The following ADAMTS12 variants were observed in gnomAD, a reference collection of about 807,000 sequenced individuals.
The protein encoded by ADAMTS12 is ADAM metallopeptidase with thrombospondin type 1 motif 12.
Under a neutral mutation model 167.8 loss-of-function variants are expected in ADAMTS12, and 118 were observed. That is an observed-to-expected ratio of 0.70 (90% CI 0.61 to 0.82). The LOEUF is 0.82. ADAMTS12 is among the 40% of genes least tolerant of loss of function. The pLI is 0.00. For missense variants in ADAMTS12, 1,916 were observed against 1,998.8 expected (o/e 0.96, Z 0.79); for synonymous variants, 704 against 716.9 (o/e 0.98, Z 0.29).
At chr5:33,672,217 A>G (rs763486855) in intron 5 of ADAMTS12, among the ~76,000 whole-genome samples, 1 of 148,786 alleles carries the variant, frequency 6.7e-6, no homozygotes, top group Admixed American at 6.7e-5. Context: ...CCCCACATAC[A>G]TACACACAGA....
chr5:33,889,284 A>AT (rs983634644), intron 1 of ADAMTS12, among the ~76,000 whole-genome samples: 9 of 131,710 alleles, frequency 6.8e-5, no homozygotes, highest in East Asian at 2.5e-4. Context: ...CCTCATCTCT[A>AT]TTAAAAAAAA....
chr5:33,660,171 T>C (rs1156873972), intron 6 of ADAMTS12, among the ~76,000 whole-genome samples: 2 of 152,138 alleles, frequency 1.3e-5, no homozygotes, highest in Non-Finnish European at 2.9e-5. Flanking sequence ...CAACACACTT[T>C]TATGCAAACA....
At chr5:33,807,832 A>G (rs1747298941) in intron 2 of ADAMTS12, among the ~76,000 whole-genome samples, 1 of 152,374 alleles carries the variant, frequency 6.6e-6, no homozygotes, top group African/African-American at 2.4e-5. Flanking sequence ...TTAATAGGCA[A>G]AAAGAAGCAG....
chr5:33,567,164 C>T (rs774400588), intron 19 of ADAMTS12, among the ~76,000 whole-genome samples: 7 of 152,156 alleles, frequency 4.6e-5, no homozygotes, highest in Non-Finnish European at 1.0e-4. Context: ...CATATGCACA[C>T]ACACACATGT....
chr5:33,609,431 C>T (rs1187579474), intron 16 of ADAMTS12, among the ~76,000 whole-genome samples: 2 of 148,392 alleles, frequency 1.3e-5, no homozygotes, highest in African/African-American at 5.0e-5. Context: ...AGTGCAGTGG[C>T]AGGATCTTGG....
At chr5:33,540,015 C>A (rs368871055) in intron 22 of ADAMTS12, among the ~76,000 whole-genome samples, 1 of 152,216 alleles carries the variant, frequency 6.6e-6, no homozygotes, top group Non-Finnish European at 1.5e-5. Flanking sequence ...TCGCTTCACC[C>A]GGGAAGTGCA....
chr5:33,809,171 T>G (rs1747350001), intron 2 of ADAMTS12, among the ~76,000 whole-genome samples: 1 of 152,204 alleles, frequency 6.6e-6, no homozygotes, highest in Non-Finnish European at 1.5e-5. Flanking sequence ...GTAATGAGCA[T>G]TTAAAACACC....
chr5:33,675,195 T>A (rs917368285), intron 5 of ADAMTS12, among the ~76,000 whole-genome samples: 1 of 152,184 alleles, frequency 6.6e-6, no homozygotes, highest in Non-Finnish European at 1.5e-5. Context: ...GAGCAGCAGA[T>A]GATGGACTAA....
At chr5:33,876,727 T>A (rs188831722) in intron 2 of ADAMTS12, among the ~76,000 whole-genome samples, 1 of 152,240 alleles carries the variant, frequency 6.6e-6, no homozygotes, top group Admixed American at 6.5e-5. Context: ...GAGAAATGGG[T>A]ATAGCTATAA....
Position 33,595,957 on chromosome 5 carries a change from G to A in ADAMTS12, c.2631C>T (p.Cys877=). 1 of 1,614,100 alleles carries A rather than the reference G, an allele frequency of 6.2e-7. No individual in the cohort carries two copies. Among genetic ancestry groups the A allele is most frequent in the Non-Finnish European group, 8.5e-7 (1 of 1,179,972 alleles). The change falls in exon 17 of 24, where the codon TGC becomes TGT. Residue 877 remains cysteine (C), a synonymous_variant. Transcript: ENST00000504830. ...ACCTGGGTGGACAAGCCTTTTCATG[G>A]CACTTCTTCTGTCTCCCATTGGGCT... The part of the protein sequence containing the change: ...ETQPNGRQKK[C]HEKACPPRWW...
In ADAMTS12 at chr5:33,654,874, T is replaced by TTGTGTGTGTGTGTGTG. The variant is rs34219097; in HGVS notation, c.1190+3294_1190+3309dup. On this transcript the variant is annotated intron_variant, in intron 7 of 23. Transcript: ENST00000504830. ...AGAGAACAGGCGTATGTGGGTGATTTTGTGTGTGTGTGTGTGTGTGTGTGT... is the reference window on the plus strand; with the variant it reads ...AGAGAACAGGCGTATGTGGGTGATTTTGTGTGTGTGTGTGTGTGTGTGTGTGTGTGTGTGTGTGTGT... Among the ~76,000 whole-genome samples the TTGTGTGTGTGTGTGTG allele has an allele frequency of 3.8e-3, 541 of 141,646 alleles. 3 individuals carry two copies. The highest frequency in any genetic ancestry group is 0.011 in the African/African-American group (426 of 37,792). The allele number at this position is 141,646 out of a possible 152,430, so 92.9% of individuals were successfully genotyped here. A position where few individuals can be genotyped will look rare whatever the true frequency, so the allele number is the denominator to read the frequency against.
chr5:33,863,692 T>C (rs1749708859), intron 2 of ADAMTS12, among the ~76,000 whole-genome samples: 1 of 152,128 alleles, frequency 6.6e-6, no homozygotes, highest in South Asian at 2.1e-4. Flanking sequence ...TTCACAGAAT[T>C]AGAAAAAACT....
At chr5:33,782,608 A>T (rs1403473082) in intron 2 of ADAMTS12, among the ~76,000 whole-genome samples, 4 of 152,110 alleles carry the variant, frequency 2.6e-5, no homozygotes, top group African/African-American at 9.6e-5. Context: ...ATGATAAATC[A>T]TGGAGACCAT....
chr5:33,884,069 C>T (rs1483043829), intron 1 of ADAMTS12, among the ~76,000 whole-genome samples: 4 of 152,166 alleles, frequency 2.6e-5, no homozygotes, highest in African/African-American at 7.2e-5. Flanking sequence ...GGTATAGTAA[C>T]GGTGTCATCT....
chr5:33,595,769 C>A (rs973389434), intron 17 of ADAMTS12, among the ~76,000 whole-genome samples, 165 bp downstream of exon 17: 1 of 152,240 alleles, frequency 6.6e-6, no homozygotes, highest in Non-Finnish European at 1.5e-5. Context: ...TCACAGCTTG[C>A]CACAGGCTCC....
chr5:33,872,309 G>A (rs994263094), intron 2 of ADAMTS12, among the ~76,000 whole-genome samples: 2 of 152,146 alleles, frequency 1.3e-5, no homozygotes, highest in African/African-American at 4.8e-5. Flanking sequence ...ATTTTGGGAG[G>A]CCAAGGCAGG....
At chr5:33,681,330 A>G (rs774224032) in intron 5 of ADAMTS12, among the ~76,000 whole-genome samples, 3 of 152,206 alleles carry the variant, frequency 2.0e-5, no homozygotes, top group African/African-American at 4.8e-5. Context: ...CTCCCTTGGC[A>G]TTTTGACTGC....
At chr5:33,881,893 A>G (rs1331050339) in intron 1 of ADAMTS12, among the ~76,000 whole-genome samples, 2 of 151,984 alleles carry the variant, frequency 1.3e-5, no homozygotes, top group Admixed American at 1.3e-4. Flanking sequence ...TTAATTACAA[A>G]ATCCCACTGT....
rs527715366 is a variant in ADAMTS12, at chr5:33,705,670, C to T, written c.635-21615G>A. ...ACTAAAAATACAAGAATTAGCTGGG[C>T]GTGGTGCTGGGCACCTGTAGTCCAG... On this transcript the variant is annotated intron_variant, in intron 3 of 23. Coordinates refer to ENST00000504830, the MANE Select transcript of ADAMTS12 (RefSeq NM_030955.4). 6.7e-4 allele frequency among the ~76,000 whole-genome samples: 102 copies of T among 151,772 alleles called. 1 individual carries two copies. Among genetic ancestry groups the T allele is most frequent in the Admixed American group, 3.0e-3 (46 of 15,266 alleles).
Sources: allele counts gnomAD v4.1 joint callset (sites outside exome capture counted in the v4.1 genomes callset), GRCh38; gene constraint gnomAD v4.1.1; transcripts MANE v1.5; gene names NCBI Gene and HGNC (gene_info 2026-07-23, HGNC 2026-07-21).